Variants in CERS4 observed in about 807,000 individuals in gnomAD.
CERS4 encodes the protein ceramide synthase 4, also known as LAG1 homolog, ceramide synthase 4.
A neutral mutation model predicts 51.8 loss-of-function variants in CERS4; 65 were observed. That is an observed-to-expected ratio of 1.26 (90% CI 1.03 to 1.54). The LOEUF is 1.54. CERS4 is among the 40% of genes most tolerant of loss of function. The pLI is 0.00. For missense variants in CERS4, 563 were observed against 500.4 expected (o/e 1.13, Z -1.19); for synonymous variants, 228 against 208.4 (o/e 1.09, Z -0.81).
intron 3 of CERS4, among the ~76,000 whole-genome samples, chr19:8,252,478 A>C (rs1263778865): frequency 3.3e-5 from 5 of 149,732 alleles, no homozygotes; most frequent in Admixed American, 1.3e-4. Flanking sequence ...TTGCTCTTTC[A>C]CCTTGGCTGG....
Position 8,256,983 on chromosome 19 carries a change from C to T in CERS4, c.647C>T (p.Ala216Val), listed in dbSNP as rs759656391. The T allele has an allele frequency of 2.0e-5, 33 of 1,613,996 alleles. No individual in the cohort carries two copies. Among genetic ancestry groups the T allele is most frequent in the South Asian group, 4.4e-5 (4 of 91,090 alleles). Reference sequence around the variant, plus strand: ...GAGCAGGTGATACACCACTTCGTGGCGGTCATCCTGATGACCTTCTCCTAC... The same window carrying T: ...GAGCAGGTGATACACCACTTCGTGGTGGTCATCCTGATGACCTTCTCCTAC... ...FKEQVIHHFV[A>V]VILMTFSYSA... The change falls in exon 9 of 12, where the codon GCG becomes GTG. Residue 216 changes from alanine to valine, a missense_variant. Transcript: ENST00000251363.
At chr19:8,237,002 CAAAAAAAA>C (rs781273995) in intron 2 of CERS4, among the ~76,000 whole-genome samples, 5 of 44,966 alleles carry the variant, frequency 1.1e-4, no homozygotes, top group Non-Finnish European at 8.2e-5. Flanking sequence ...GACTCTGTCT[CAAAAAAAA>C]AAAAAAAAAA....
rs1455535904 is a variant in CERS4, at chr19:8,257,863, C to T, written c.742-16C>T. On this transcript the variant is annotated splice_polypyrimidine_tract_variant and intron_variant, in intron 9 of 11. Coordinates refer to ENST00000251363, the MANE Select transcript of CERS4 (RefSeq NM_024552.3). ...GCCCTGGTCCTGAGCCCATTTCTCCCTGCTGCCCTTTCCAGGCCTGTAAGA... is the reference window on the plus strand; with the variant it reads ...GCCCTGGTCCTGAGCCCATTTCTCCTTGCTGCCCTTTCCAGGCCTGTAAGA... 1.9e-6 allele frequency: 3 copies of T among 1,607,074 alleles called. No individual in the cohort carries two copies. The highest frequency in any genetic ancestry group is 1.3e-5 in the African/African-American group (1 of 74,888).
chr19:8,257,847 C>T, intron 9 of CERS4, 32 bp from the exon 10 acceptor site: 1 of 1,567,054 alleles, frequency 6.4e-7, no homozygotes, highest in South Asian at 1.1e-5. Flanking sequence ...GGCCCTGGTC[C>T]TGAGCCCATT....
At chr19:8,227,220 C>T (rs997148319) in intron 2 of CERS4, among the ~76,000 whole-genome samples, 2 of 152,110 alleles carry the variant, frequency 1.3e-5, no homozygotes, top group African/African-American at 4.8e-5. Context: ...AACCCTGTCT[C>T]CTGTATCAAA....
At position 8,256,245 on chromosome 19, in the gene CERS4, C is replaced by T. The variant is rs747564909; in HGVS notation, c.478C>T (p.Leu160=). 1.5e-5 allele frequency: 24 copies of T among 1,612,782 alleles called. No homozygotes were observed. Among genetic ancestry groups the T allele is most frequent in the Non-Finnish European group, 2.0e-5 (24 of 1,179,564 alleles). ...GLSVLYHESW[L]WAPVMCWDRY... is the part of the protein sequence containing the mutation. Reference sequence around the variant, plus strand: ...ACCCATTTCCCTGCAGGAGTCATGGCTGTGGGCACCAGTAATGTGCTGGGA... The same window carrying T: ...ACCCATTTCCCTGCAGGAGTCATGGTTGTGGGCACCAGTAATGTGCTGGGA... The change falls in exon 7 of 12, where the codon CTG becomes TTG. Residue 160 remains leucine, a synonymous_variant. Coordinates refer to ENST00000251363, the MANE Select transcript of CERS4 (RefSeq NM_024552.3).
chr19:8,226,132 G>A (rs1967778418), intron 2 of CERS4, among the ~76,000 whole-genome samples: 1 of 152,006 alleles, frequency 6.6e-6, no homozygotes, highest in Non-Finnish European at 1.5e-5. Flanking sequence ...GGGAGGCAGA[G>A]GTTGCAGTGA....
At chr19:8,233,627 A>T (rs1568511193) in intron 2 of CERS4, among the ~76,000 whole-genome samples, 1 of 151,600 alleles carries the variant, frequency 6.6e-6, no homozygotes, top group African/African-American at 2.4e-5. Flanking sequence ...CTTTGCTTTT[A>T]TTTTTTTTAA....
At chr19:8,225,409 C>T (rs1484194084) in intron 2 of CERS4, among the ~76,000 whole-genome samples, 2 of 142,728 alleles carry the variant, frequency 1.4e-5, no homozygotes, top group African/African-American at 5.3e-5. Flanking sequence ...TCCTGTTTTC[C>T]AATAATTCTT....
At chr19:8,217,377 A>T (rs1401708154) in intron 2 of CERS4, among the ~76,000 whole-genome samples, 1 of 150,954 alleles carries the variant, frequency 6.6e-6, no homozygotes, top group Non-Finnish European at 1.5e-5. Context: ...TCGTTTTTTA[A>T]TTTTTTTTTG....
At position 8,261,985 on chromosome 19, in the gene CERS4, C is replaced by T. The variant is rs377204315; in HGVS notation, c.1061C>T (p.Ala354Val). 21 of 1,597,010 alleles carry T rather than the reference C, an allele frequency of 1.3e-5. No individual in the cohort carries two copies. Among genetic ancestry groups the T allele is most frequent in the East Asian group, 2.2e-5 (1 of 44,724 alleles). ...GAATCAGACTCCAGTGAGGAGGCGG[C>T]GGCGGCCCAGGAACCTCTGCAGCTA... The part of the protein sequence containing the change: ...VEESDSSEEA[A>V]AAQEPLQLKN... The change falls in exon 12 of 12, where the codon GCG becomes GTG. Residue 354 changes from alanine to valine, a missense_variant. By Grantham distance (64) the Ala-to-Val change is moderately conservative. Coordinates refer to ENST00000251363, the MANE Select transcript of CERS4 (RefSeq NM_024552.3).
intron 2 of CERS4, among the ~76,000 whole-genome samples, chr19:8,245,122 A>ACAAACAAAAACAAAAAAAC (rs755450125): frequency 8.5e-5 from 11 of 129,276 alleles, no homozygotes; most frequent in East Asian, 6.7e-4. Context: ...AAAAAAAAAA[A>ACAAACAAAAACAAAAAAAC]AAAAAAAAAA....
chr19:8,257,760 G>A (rs1206013319), intron 9 of CERS4, 119 bp from the exon 10 acceptor site: 1 of 732,558 alleles, frequency 1.4e-6, no homozygotes, highest in African/African-American at 1.7e-5. Context: ...TTCCTGAAAA[G>A]GTAGGTAGTT....
intron 3 of CERS4, among the ~76,000 whole-genome samples, chr19:8,251,838 C>G (rs990452789): frequency 6.6e-6 from 1 of 151,900 alleles, no homozygotes; most frequent in African/African-American, 2.4e-5. Context: ...TTATCCCATC[C>G]CAAAGGCATC....
chr19:8,233,071 A>G (rs1968085431), intron 2 of CERS4, among the ~76,000 whole-genome samples: 1 of 151,234 alleles, frequency 6.6e-6, no homozygotes, highest in Non-Finnish European at 1.5e-5. Context: ...TTAAGAGATG[A>G]GGGTCTCTCT....
At chr19:8,245,129 A>AAAAAAAAAAAAAAC (rs1327716311) in intron 2 of CERS4, among the ~76,000 whole-genome samples, 10 of 148,738 alleles carry the variant, frequency 6.7e-5, no homozygotes, top group African/African-American at 2.5e-4. Context: ...AAAAAAAAAA[A>AAAAAAAAAAAAAAC]AAAAAACACT....
chr19:8,257,436 T>C (rs961610006), intron 9 of CERS4, among the ~76,000 whole-genome samples: 1 of 92,998 alleles, frequency 1.1e-5, no homozygotes, highest in African/African-American at 5.1e-5. Context: ...ACGCATGTAT[T>C]CACATTTTTT....
chr19:8,246,198 A>G (rs1328050648), intron 2 of CERS4, among the ~76,000 whole-genome samples: 1 of 152,102 alleles, frequency 6.6e-6, no homozygotes, highest in East Asian at 1.9e-4. Flanking sequence ...TAGAGGAAAT[A>G]TTTGTGATAG....
At position 8,251,209 on chromosome 19, in the gene CERS4, CT is replaced by C. The variant is rs759351484; in HGVS notation, c.134del (p.Leu45ArgfsTer20). On this transcript the variant is annotated frameshift_variant, in exon 3 of 12. Coordinates refer to ENST00000251363, the MANE Select transcript of CERS4 (RefSeq NM_024552.3). LOFTEE classifies it high-confidence loss of function. The part of the protein sequence containing the change: ...HPQDLLAALP[L>X]ALVLLAMRLA... ...CCAGGACTTGTTGGCAGCCCTGCCC[CT>C]GGCGCTGGTCCTCCTGGCCATGCGC... The C allele has an allele frequency of 1.9e-6, 3 of 1,612,162 alleles. No individual in the cohort carries two copies. The highest frequency in any genetic ancestry group is 2.2e-5 in the East Asian group (1 of 44,820).
Sources: allele counts gnomAD v4.1 joint callset (sites outside exome capture counted in the v4.1 genomes callset), GRCh38; gene constraint gnomAD v4.1.1; transcripts MANE v1.5; gene names NCBI Gene and HGNC (gene_info 2026-07-23, HGNC 2026-07-21).